The following THBS4 variants were observed in gnomAD, a reference collection of about 807,000 sequenced individuals.
THBS4 encodes thrombospondin-4.
A neutral mutation model predicts 115.7 loss-of-function variants in THBS4; 90 were observed. That is an observed-to-expected ratio of 0.78 (90% CI 0.66 to 0.93). THBS4 has a LOEUF of 0.93. THBS4 is among the 40% of genes least tolerant of loss of function. The pLI, the probability that THBS4 is intolerant of heterozygous loss-of-function variation, is 0.00. For missense variants in THBS4, 1,087 were observed against 1,232.7 expected (o/e 0.88, Z 1.77); for synonymous variants, 460 against 479.3 (o/e 0.96, Z 0.53).
Position 80,035,381 on chromosome 5 carries a change from C to T in THBS4, c.-157C>T, listed in dbSNP as rs1361640122. On this transcript the variant is annotated 5_prime_UTR_variant, in exon 1 of 22. The change creates a new upstream start codon in the 5' untranslated region. Coordinates refer to ENST00000350881, the MANE Select transcript of THBS4 (RefSeq NM_003248.6). The surrounding 1 kb of genome is among the most constrained non-coding windows in gnomAD (Gnocchi z 4.6). ...GCTCCCCAGCACCGCACGGCGGGGA[C>T]GCGAGCGCGCCCCCGACGGCAGCCC... 1 of 274,956 alleles carries T rather than the reference C, an allele frequency of 3.6e-6. No homozygotes were observed. Among genetic ancestry groups the T allele is most frequent in the Non-Finnish European group, 6.3e-6 (1 of 159,134 alleles). 17.0% of individuals were successfully genotyped at this position (274,956 alleles called of 1,614,324 possible).
At position 80,035,540 on chromosome 5, in the gene THBS4, GCT is replaced by G; in HGVS notation, c.4_5del (p.Leu2GlyfsTer30). MLAPRGAAVLLL... is the reference protein window; with the variant it reads MXAPRGAAVLLL... ...CGCGGGGAGCAGGAAGAGCCAACAT[GCT>G]GGCCCCGCGCGGAGCCGCCGTCCTC... On this transcript the variant is annotated frameshift_variant, in exon 1 of 22. Transcript: ENST00000350881. LOFTEE classifies it high-confidence loss of function. The surrounding 1 kb of genome is among the most constrained non-coding windows in gnomAD (Gnocchi z 4.6). 7.1e-7 allele frequency: 1 copy of G among 1,399,612 alleles called. No individual in the cohort carries two copies. Among genetic ancestry groups the G allele is most frequent in the Non-Finnish European group, 9.3e-7 (1 of 1,075,898 alleles). 86.7% of individuals were successfully genotyped at this position (1,399,612 alleles called of 1,614,324 possible).
chr5:80,040,698 A>G (rs17878628), intron 2 of THBS4, among the ~76,000 whole-genome samples: 1 of 152,244 alleles, frequency 6.6e-6, no homozygotes, highest in African/African-American at 2.4e-5. Flanking sequence ...GTCTAAGATC[A>G]TGGTGCCATC....
Position 80,080,016 on chromosome 5 carries a change from T to C in THBS4, c.2623T>C (p.Trp875Arg), listed in dbSNP as rs1461216978. 6.2e-7 allele frequency: 1 copy of C among 1,614,022 alleles called. No individual in the cohort carries two copies. The highest frequency in any genetic ancestry group is 8.5e-7 in the Non-Finnish European group (1 of 1,180,008). Residue 875 changes from tryptophan to arginine, a missense_variant, in exon 20 of 22, where the codon TGG becomes CGG. Around this residue, in one of 3 missense-constraint regions of THBS4, gnomAD observed 5 missense variants for 20.8 expected, o/e 0.24. Coordinates refer to ENST00000350881, the MANE Select transcript of THBS4 (RefSeq NM_003248.6). ...LLWKDSRNVG[W>R]KDKVSYRWFL... is the part of the protein sequence containing the mutation. ...GTGGAAGGACTCCAGGAATGTGGGC[T>C]GGAAGGACAAGGTGTCCTACCGCTG...
At chr5:80,073,638 C>T (rs1355027446) in intron 15 of THBS4, among the ~76,000 whole-genome samples, 10 of 152,296 alleles carry the variant, frequency 6.6e-5, no homozygotes, top group South Asian at 6.2e-4. Flanking sequence ...CCCGCCTCGG[C>T]CTCCCAAAGT....
At chr5:80,020,199 C>T (rs760078573) in intron 2 of THBS4, among the ~76,000 whole-genome samples, 25 of 152,230 alleles carry the variant, frequency 1.6e-4, no homozygotes, top group Admixed American at 9.2e-4. Context: ...ATGTGCCGGG[C>T]GCAGTGGCTC....
chr5:80,005,421 A>G (rs1580904209), intron 2 of THBS4, among the ~76,000 whole-genome samples: 1 of 152,336 alleles, frequency 6.6e-6, no homozygotes, highest in East Asian at 1.9e-4. Flanking sequence ...TGTACTCCAA[A>G]TTTAGTTTAC....
intron 2 of THBS4, chr5:80,053,103 T>C (rs1433820628): frequency 6.6e-6 from 1 of 152,184 alleles, no homozygotes; most frequent in Non-Finnish European, 1.5e-5. Flanking sequence ...ACCATACTAA[T>C]GTAGACATAT....
intron 2 of THBS4, among the ~76,000 whole-genome samples, chr5:80,025,712 C>A (rs1832462423): frequency 6.6e-6 from 1 of 152,294 alleles, no homozygotes; most frequent in African/African-American, 2.4e-5. Context: ...GCTCATTCAT[C>A]CTTGAGGGAC....
At chr5:79,997,302 A>C (rs1432859141) in intron 1 of THBS4, among the ~76,000 whole-genome samples, 1 of 152,174 alleles carries the variant, frequency 6.6e-6, no homozygotes, top group Non-Finnish European at 1.5e-5. Flanking sequence ...CTTCCTTCAA[A>C]CATGACATTG....
intron 3 of THBS4, among the ~76,000 whole-genome samples, chr5:80,056,427 T>C (rs1457223867): frequency 6.6e-6 from 1 of 152,164 alleles, no homozygotes; most frequent in African/African-American, 2.4e-5. Flanking sequence ...TTTTCTATAA[T>C]GAAAATAAAA....
At chr5:80,075,142 C>T (rs1047379867) in intron 15 of THBS4, 1 of 152,096 alleles carries the variant, frequency 6.6e-6, no homozygotes, top group Non-Finnish European at 1.5e-5. Flanking sequence ...GCATTGGTTT[C>T]TTATTTGTAT....
rs1476925275 is a variant in THBS4, at chr5:80,071,020, G to A, written c.1561-1G>A. ...TGATGTTCTGTCCTTTCATCTTTTA[G>A]GATAACTGTGTCCTGATTCATAATG... On this transcript the variant is annotated splice_acceptor_variant, in intron 12 of 21. Coordinates refer to ENST00000350881, the MANE Select transcript of THBS4 (RefSeq NM_003248.6). LOFTEE classifies it high-confidence loss of function. The A allele has an allele frequency of 6.2e-7, 1 of 1,612,264 alleles. No individual in the cohort carries two copies. Among genetic ancestry groups the A allele is most frequent in the East Asian group, 2.2e-5 (1 of 44,866 alleles).
At chr5:80,049,990 GAC>G (rs527792287) in intron 2 of THBS4, among the ~76,000 whole-genome samples, 284 of 152,304 alleles carry the variant, frequency 1.9e-3, no homozygotes, top group African/African-American at 6.4e-3. Context: ...AGCACCCACT[GAC>G]TGACAGCCTT....
chr5:80,043,484 T>C (rs192831278), intron 2 of THBS4, among the ~76,000 whole-genome samples: 9 of 152,314 alleles, frequency 5.9e-5, no homozygotes, highest in Admixed American at 3.9e-4. Flanking sequence ...ATCTCCTCTT[T>C]TGCTGATTTG....
intron 13 of THBS4, 178 bp from the exon 14 acceptor site, chr5:80,072,100 C>T: frequency 1.5e-6 from 1 of 650,120 alleles, no homozygotes; most frequent in South Asian, 1.8e-5. Context: ...GAGAGCTGTT[C>T]ATTTTTAAGT....
intron 2 of THBS4, among the ~76,000 whole-genome samples, chr5:80,054,972 G>A (rs766120425): frequency 6.6e-6 from 1 of 152,188 alleles, no homozygotes; most frequent in Non-Finnish European, 1.5e-5. Flanking sequence ...ATTTATCTGA[G>A]ACTCACTTTC....
Position 80,083,235 on chromosome 5 carries a change from C to A in THBS4, c.*94C>A. ...TTAGCTTTTACCAACCCAAATATAT[C>A]AAAACGTTTTATGTGAATGTGGCAA... On this transcript the variant is annotated 3_prime_UTR_variant, in exon 22 of 22. Transcript: ENST00000350881. The A allele has an allele frequency of 9.0e-7, 1 of 1,107,626 alleles. No homozygotes were observed. The highest frequency in any genetic ancestry group is 1.4e-6 in the Non-Finnish European group (1 of 725,600). 68.6% of individuals were successfully genotyped at this position (1,107,626 alleles called of 1,614,324 possible). A position where few individuals can be genotyped will look rare whatever the true frequency, so the allele number is the denominator to read the frequency against.
chr5:80,079,214 GCCA>G lies in THBS4; in HGVS notation c.2470_2472del (p.Thr824del). 6.2e-7 allele frequency: 1 copy of G among 1,614,014 alleles called. No individual in the cohort carries two copies. The highest frequency in any genetic ancestry group is 8.5e-7 in the Non-Finnish European group (1 of 1,179,932). Reference sequence around the variant, plus strand: ...GCAGACGGAGCAGACATATTGGCAAGCCACCCCATTCCGAGCAGTTGCAGAACC... The same window carrying G: ...GCAGACGGAGCAGACATATTGGCAAGCCCCATTCCGAGCAGTTGCAGAACC... On this transcript the variant is annotated inframe_deletion, in exon 19 of 22. Coordinates refer to ENST00000350881, the MANE Select transcript of THBS4 (RefSeq NM_003248.6).
intron 1 of THBS4, among the ~76,000 whole-genome samples, chr5:79,992,732 C>T (rs1442127518): frequency 6.6e-6 from 1 of 152,184 alleles, no homozygotes; most frequent in Admixed American, 6.5e-5. Context: ...GATATACACA[C>T]ACCAAGGTGT....
Sources: gnomAD v4.1 joint callset for allele counts (sites outside exome capture counted in the v4.1 genomes callset) on GRCh38, gnomAD v4.1.1 for gene constraint, gnomAD v4.1.1 regional missense constraint, Gnocchi (gnomAD v3.1) non-coding constraint, MANE v1.5 for transcripts, NCBI Gene and HGNC (gene_info 2026-07-23, HGNC 2026-07-21) for gene names.